Variants in SPTA1 observed in about 807,000 individuals in gnomAD.
The protein encoded by SPTA1 is spectrin alpha chain, erythrocytic 1.
Under a neutral mutation model 324.7 loss-of-function variants are expected in SPTA1, and 177 were observed. The ratio of observed to expected loss-of-function variants is 0.55; its 90% CI spans 0.48 to 0.62. The LOEUF (loss-of-function observed/expected upper bound fraction) is 0.62. Among genes scored for constraint, SPTA1 ranks in the 20% least tolerant of loss-of-function variants. The pLI is 0.00. For missense variants in SPTA1, 3,162 were observed against 2,883.6 expected (o/e 1.10, Z -2.21); for synonymous variants, 1,195 against 1,041.3 (o/e 1.15, Z -2.84).
At chr1:158,674,515 C>T in intron 9 of SPTA1, 25 bp downstream of exon 9, 1 of 1,614,084 alleles carries the variant, frequency 6.2e-7, no homozygotes, top group African/African-American at 1.3e-5. Flanking sequence ...CCCCCTCCTC[C>T]TACTGGGCAG....
At chr1:158,675,337 T>G (rs1654320447) in intron 8 of SPTA1, among the ~76,000 whole-genome samples, 1 of 152,160 alleles carries the variant, frequency 6.6e-6, no homozygotes. Flanking sequence ...TGCATGTCTT[T>G]CAGTTCCTTA....
In SPTA1 at chr1:158,635,970, A is replaced by G. The variant is rs751825333; in HGVS notation, c.5375T>C (p.Leu1792Ser). The G allele has an allele frequency of 1.6e-5, 26 of 1,614,020 alleles. No homozygotes were observed. Among genetic ancestry groups the G allele is most frequent in the Non-Finnish European group, 2.1e-5 (25 of 1,180,036 alleles). ...KAAVGQEEIQ[L>S]RLAQFVEHWE... Reference sequence around the variant, plus strand: ...GTGTTCAACAAACTGAGCCAGCCGCAACTGGATCTCCTCTTGCCCCACAGC... The same window carrying G: ...GTGTTCAACAAACTGAGCCAGCCGCGACTGGATCTCCTCTTGCCCCACAGC... Residue 1792 changes from leucine (L) to serine (S), a missense_variant, in exon 38 of 52, where the codon TTG (leucine) becomes TCG (serine). Physicochemically the swap from Leu to Ser is moderately radical, Grantham distance 145 (BLOSUM62 -2). Coordinates refer to ENST00000643759, the MANE Select transcript of SPTA1 (RefSeq NM_003126.4).
intron 51 of SPTA1, chr1:158,612,438 C>A: frequency 3.5e-6 from 1 of 287,316 alleles, no homozygotes; most frequent in South Asian, 3.5e-5. Flanking sequence ...GTGTTTTTAA[C>A]TTGTAAAGTT....
intron 42 of SPTA1, 143 bp downstream of exon 42, chr1:158,626,003 T>C: frequency 1.5e-6 from 1 of 657,288 alleles, no homozygotes; most frequent in Non-Finnish European, 2.6e-6. Context: ...AAAATAATAA[T>C]TAGGAAATTA....
chr1:158,648,703 G>C (rs1190487080), intron 25 of SPTA1, 50 bp from the exon 26 acceptor site: 2 of 1,604,700 alleles, frequency 1.2e-6, no homozygotes, highest in Admixed American at 3.3e-5. Flanking sequence ...TGTACCAGAG[G>C]CAGGCTAGTG....
rs757164556 is a variant in SPTA1 at position 158,617,582 on chromosome 1, C to T, written c.6555G>A (p.Leu2185=). ...ETRAYFLDGS[L]LKETGTLESQ... is the part of the protein sequence containing the mutation. ...ATTCCAGAGTTCCTGTTTCTTTGAGCAATGATCTAGTTAAGAACCGAAGGA... is the reference window on the plus strand; with the variant it reads ...ATTCCAGAGTTCCTGTTTCTTTGAGTAATGATCTAGTTAAGAACCGAAGGA... Residue 2185 remains leucine, a synonymous_variant, in exon 47 of 52, where the codon TTG becomes TTA. Transcript: ENST00000643759. 3 of 1,612,958 alleles carry T rather than the reference C, an allele frequency of 1.9e-6. No homozygotes were observed. In the South Asian group the frequency reaches 3.3e-5, roughly 18 times the overall value.
At chr1:158,662,658 C>T (rs573691903) in intron 17 of SPTA1, 44 bp downstream of exon 17, 5 of 1,612,386 alleles carry the variant, frequency 3.1e-6, no homozygotes, top group Non-Finnish European at 3.4e-6. Context: ...ATATATAGAC[C>T]TTGGTCCTTT....
chr1:158,648,897 G>T (rs1008077209), intron 25 of SPTA1, among the ~76,000 whole-genome samples: 2 of 152,134 alleles, frequency 1.3e-5, no homozygotes, highest in Non-Finnish European at 2.9e-5. Flanking sequence ...GAGGACTAAA[G>T]AGGGTAAGTA....
rs1210432921 is a variant in SPTA1 at position 158,620,211 on chromosome 1, C to A, written c.6376G>T (p.Val2126Leu). 9.3e-6 allele frequency: 15 copies of A among 1,614,146 alleles called. No homozygotes were observed. The highest frequency in any genetic ancestry group is 1.3e-5 in the Non-Finnish European group (15 of 1,180,018). The change falls in exon 44 of 52, where the codon GTG becomes TTG. Residue 2126 changes from valine (V) to leucine (L), a missense_variant. By Grantham distance (32) the Val-to-Leu change is conservative. Coordinates refer to ENST00000643759, the MANE Select transcript of SPTA1 (RefSeq NM_003126.4). ...AGGTGCTTCCAGGTCCTTTCCAGCA[C>A]CTCCACTGTTAACCAGGTATAAGGG... ...SSPYTWLTVE[V>L]LERTWKHLSD...
intron 10 of SPTA1, among the ~76,000 whole-genome samples, chr1:158,674,127 G>A (rs1210427396): frequency 2.0e-5 from 3 of 152,116 alleles, no homozygotes; most frequent in Non-Finnish European, 4.4e-5. Context: ...TGGCACCTGA[G>A]GGAGGTCCTG....
chr1:158,657,878 T>A (rs1652938993), intron 18 of SPTA1, among the ~76,000 whole-genome samples, 184 bp from the exon 19 acceptor site: 1 of 152,196 alleles, frequency 6.6e-6, no homozygotes, highest in Non-Finnish European at 1.5e-5. Context: ...TAACAAAAGG[T>A]ACTAATGGGA....
In SPTA1 at chr1:158,681,666, G is replaced by A. The variant is rs755909477; in HGVS notation, c.392C>T (p.Ala131Val). 1.9e-6 allele frequency: 3 copies of A among 1,613,546 alleles called. No homozygotes were observed. In the South Asian group the frequency reaches 3.3e-5, roughly 18 times the overall value. The part of the protein sequence containing the change: ...MGHSAHEETK[A>V]HIEELRHLWD... Reference sequence around the variant, plus strand: ...CAGGTGGCGTAGCTCCTCTATATGGGCCTTTAGGAAAGAGGGGCAAAACCA... The same window carrying A: ...CAGGTGGCGTAGCTCCTCTATATGGACCTTTAGGAAAGAGGGGCAAAACCA... Residue 131 changes from alanine to valine, a missense_variant and splice_region_variant, in exon 4 of 52, where the codon GCC becomes GTC. Ala to Val is a moderately conservative substitution (Grantham distance 64). Coordinates refer to ENST00000643759, the MANE Select transcript of SPTA1 (RefSeq NM_003126.4).
chr1:158,621,925 C>A (rs1043282260), intron 43 of SPTA1, among the ~76,000 whole-genome samples: 1 of 152,128 alleles, frequency 6.6e-6, no homozygotes, highest in Admixed American at 6.5e-5. Flanking sequence ...GTACAGTGGC[C>A]GCGATCTGGG....
chr1:158,678,394 T>A lies in SPTA1; in HGVS notation c.812+7A>T, dbSNP rs186595817. The A allele has an allele frequency of 2.4e-4, 391 of 1,613,538 alleles. 1 individual carries two copies. The East Asian group carries it at 8.5e-3, about 35-fold the overall frequency. On this transcript the variant is annotated splice_region_variant and intron_variant, in intron 6 of 51. Coordinates refer to ENST00000643759, the MANE Select transcript of SPTA1 (RefSeq NM_003126.4). ...AGTTTTCTATAAAGCAGTGGCCAGA[T>A]CCATACCTTTTGAATCGTTGTAAGT... is the stretch of plus-strand genomic sequence containing the variant.
intron 3 of SPTA1, among the ~76,000 whole-genome samples, chr1:158,681,897 T>C (rs1041452075): frequency 1.3e-5 from 2 of 152,120 alleles, no homozygotes; most frequent in Admixed American, 1.3e-4. Context: ...TGCTTTGCAG[T>C]TTTAAAGGAT....
At chr1:158,618,100 G>C (rs1557921910) in intron 45 of SPTA1, 44 bp from the exon 46 acceptor site, 1 of 1,576,036 alleles carries the variant, frequency 6.3e-7, no homozygotes, top group Non-Finnish European at 8.7e-7. Flanking sequence ...AGAGAAAAGG[G>C]AGATGATATG....
chr1:158,641,695 C>T (rs1651589092), intron 33 of SPTA1, among the ~76,000 whole-genome samples: 1 of 152,194 alleles, frequency 6.6e-6, no homozygotes, highest in Admixed American at 6.5e-5. Flanking sequence ...AATAGGAACA[C>T]TTTTACACTG....
At position 158,639,912 on chromosome 1, in the gene SPTA1, C is replaced by G. The variant is rs145288947; in HGVS notation, c.4833G>C (p.Arg1611Ser). The change falls in exon 34 of 52, where the codon AGG (arginine) becomes AGC (serine). Residue 1611 changes from arginine to serine, a missense_variant. Physicochemically the swap from Arg to Ser is moderately radical, Grantham distance 110. Coordinates refer to ENST00000643759, the MANE Select transcript of SPTA1 (RefSeq NM_003126.4). ...CAAAGTCCCGGATGCTTGTGTTGAA[C>G]CTCTGTTGACGACTGGCCTCATTGA... ...KKLNEASRQQ[R>S]FNTSIRDFEF... is the part of the protein sequence containing the mutation. 2.5e-6 allele frequency: 4 copies of G among 1,613,924 alleles called. No homozygotes were observed. Among genetic ancestry groups the G allele is most frequent in the African/African-American group, 1.3e-5 (1 of 75,020 alleles).
At chr1:158,655,245 T>C (rs1047879739) in intron 20 of SPTA1, among the ~76,000 whole-genome samples, 1 of 142,904 alleles carries the variant, frequency 7.0e-6, no homozygotes, top group African/African-American at 3.1e-5. Flanking sequence ...GAGTGATCAA[T>C]AGCACAGGAA....
Sources: gnomAD v4.1 joint callset for allele counts (sites outside exome capture counted in the v4.1 genomes callset) on GRCh38, gnomAD v4.1.1 for gene constraint, MANE v1.5 for transcripts, NCBI Gene and HGNC (gene_info 2026-07-23, HGNC 2026-07-21) for gene names.